Variants in TMEM51 observed in about 807,000 individuals in gnomAD.
TMEM51 encodes the protein transmembrane protein 51, also known as chromosome 1 open reading frame 72.
A neutral mutation model predicts 13.6 loss-of-function variants in TMEM51; 8 were observed. That is an observed-to-expected ratio of 0.59 (90% CI 0.35 to 1.07). TMEM51 has a LOEUF of 1.07. Among genes scored for constraint, TMEM51 ranks in the 50% least tolerant of loss-of-function variants. The probability of loss-of-function intolerance (pLI) is 0.02; values close to 1 mark genes in which losing one functional copy is unlikely to be tolerated. For missense variants in TMEM51, 279 were observed against 330.7 expected, an observed-to-expected ratio of 0.84 and a Z score of 1.21; for synonymous variants, 147 against 144.4, an observed-to-expected ratio of 1.02 and a Z score of -0.13.
chr1:15,168,842 TAA>T, intron 1 of TMEM51: 1 of 1,236,836 alleles, frequency 8.1e-7, no homozygotes, highest in Non-Finnish European at 1.0e-6. Flanking sequence ...CGGCTCATGA[TAA>T]AAGTTACAGA....
chr1:15,196,378 C>T (rs1557849483), intron 1 of TMEM51, among the ~76,000 whole-genome samples: 1 of 103,120 alleles, frequency 9.7e-6, no homozygotes, highest in Non-Finnish European at 1.9e-5. Flanking sequence ...CAAATCTGGG[C>T]TGTGTGTGTG....
rs1644320917 is a variant in TMEM51, at chr1:15,210,479, T to G, written c.-266-11T>G. The G allele has an allele frequency of 6.6e-6, 1 of 152,192 alleles. No individual in the cohort carries two copies. The highest frequency in any genetic ancestry group is 6.5e-5 in the Admixed American group (1 of 15,280). The allele number at this position is 152,192 out of a possible 1,614,324, so 9.4% of individuals were successfully genotyped here. ...TGCTTAGAAAGCTGCATCTCTGTGG[T>G]TTTTTTATAGGTGGATCTTTAACTC... On this transcript the variant is annotated splice_polypyrimidine_tract_variant and intron_variant, in intron 1 of 3. Transcript: ENST00000376008.
In TMEM51 at chr1:15,216,065, T is replaced by C. The variant is rs573253922; in HGVS notation, c.344+634T>C. 1.6e-3 allele frequency among the ~76,000 whole-genome samples: 236 copies of C among 152,164 alleles called. 1 individual carries two copies. The highest frequency in any genetic ancestry group is 3.5e-3 in the Admixed American group (54 of 15,284). ...AAATACAAAAACAAAAAACTGTCTT[T>C]TGCAGCAACTTGGATGGAGCTGGAG... On this transcript the variant is annotated intron_variant, in intron 3 of 3. Transcript: ENST00000376008.
intron 1 of TMEM51, among the ~76,000 whole-genome samples, chr1:15,181,199 G>A (rs1312126377): frequency 1.3e-5 from 2 of 152,186 alleles, no homozygotes; most frequent in Non-Finnish European, 2.9e-5. Context: ...CAGTGAGGAT[G>A]GAATGAGTCA....
At chr1:15,159,776 C>T (rs1195447961) in intron 1 of TMEM51, among the ~76,000 whole-genome samples, 2 of 152,070 alleles carry the variant, frequency 1.3e-5, no homozygotes, top group Non-Finnish European at 2.9e-5. Flanking sequence ...AGGATGGTCT[C>T]GATCTCTTGA....
At chr1:15,208,229 G>A (rs1054994710) in intron 1 of TMEM51, among the ~76,000 whole-genome samples, 1 of 152,210 alleles carries the variant, frequency 6.6e-6, no homozygotes, top group Non-Finnish European at 1.5e-5. Context: ...GGGGACCCAA[G>A]TGTAGCTGTG....
At position 15,171,805 on chromosome 1, in the gene TMEM51, G is replaced by A. The variant is rs369047949; in HGVS notation, c.-267+17851G>A. The stretch of plus-strand genomic sequence containing the variant: ...CAGCTGATCAATCAGTCCTTGCCGC[G>A]GAACCTCCTCCTTGAACCCACAGGT... On this transcript the variant is annotated intron_variant, in intron 1 of 3. Coordinates refer to ENST00000376008, the MANE Select transcript of TMEM51 (RefSeq NM_001136218.2). 1.9e-3 allele frequency among the ~76,000 whole-genome samples: 289 copies of A among 152,216 alleles called. 1 individual carries two copies. Among genetic ancestry groups the A allele is most frequent in the African/African-American group, 6.7e-3 (278 of 41,530 alleles).
chr1:15,192,034 T>C (rs1643932528), intron 1 of TMEM51: 2 of 529,782 alleles, frequency 3.8e-6, no homozygotes, highest in South Asian at 2.8e-5. Context: ...TGAAATGCCA[T>C]ACGTGATGTT....
chr1:15,165,084 A>G (rs1160863815), intron 1 of TMEM51, among the ~76,000 whole-genome samples: 2 of 152,162 alleles, frequency 1.3e-5, no homozygotes, highest in East Asian at 3.8e-4. Flanking sequence ...TACAGGCATG[A>G]GCCACCAAGC....
At chr1:15,215,917 C>G (rs1420956005) in intron 3 of TMEM51, among the ~76,000 whole-genome samples, 1 of 152,080 alleles carries the variant, frequency 6.6e-6, no homozygotes, top group East Asian at 1.9e-4. Flanking sequence ...GTCCCAGCTA[C>G]TGGGGAGGCT....
At chr1:15,197,863 T>G (rs954158642) in intron 1 of TMEM51, among the ~76,000 whole-genome samples, 15 of 148,876 alleles carry the variant, frequency 1.0e-4, no homozygotes. Context: ...CCTTTCCTTG[T>G]GGTATCTGCA....
At chr1:15,202,033 A>G (rs1199691864) in intron 1 of TMEM51, among the ~76,000 whole-genome samples, 1 of 152,218 alleles carries the variant, frequency 6.6e-6, no homozygotes, top group Non-Finnish European at 1.5e-5. Context: ...TTGGAACTGC[A>G]GTTTTGAGCC....
intron 1 of TMEM51, among the ~76,000 whole-genome samples, chr1:15,184,332 T>C (rs1412001729): frequency 6.6e-6 from 1 of 152,206 alleles, no homozygotes; most frequent in Non-Finnish European, 1.5e-5. Flanking sequence ...GCCTTGCCTT[T>C]CTCACCAGCT....
At chr1:15,211,620 C>A (rs1367824895) in intron 2 of TMEM51, among the ~76,000 whole-genome samples, 3 of 152,128 alleles carry the variant, frequency 2.0e-5, no homozygotes, top group Non-Finnish European at 4.4e-5. Context: ...TGCCCGAGGT[C>A]ACACAGCTGT....
chr1:15,170,132 T>A (rs574623558), intron 1 of TMEM51, among the ~76,000 whole-genome samples: 1 of 150,574 alleles, frequency 6.6e-6, no homozygotes, highest in Non-Finnish European at 1.5e-5. Context: ...CTCAATACAT[T>A]TTTAGGTGTT....
rs191975678 is a variant in TMEM51, at chr1:15,207,729, C to T, written c.-266-2761C>T. On this transcript the variant is annotated intron_variant, in intron 1 of 3. Coordinates refer to ENST00000376008, the MANE Select transcript of TMEM51 (RefSeq NM_001136218.2). This position sits in a 1 kb window ranked among gnomAD's most constrained non-coding sequence, Gnocchi z 4.6. ...GGCTTCCATGTTCCCTGCTGACTTCCACCTGCAAAGGCCAGGCAACCGCTG... is the reference window on the plus strand; with the variant it reads ...GGCTTCCATGTTCCCTGCTGACTTCTACCTGCAAAGGCCAGGCAACCGCTG... Among the ~76,000 whole-genome samples, 75 of 152,362 alleles carry T rather than the reference C, an allele frequency of 4.9e-4. No homozygotes were observed. Among genetic ancestry groups the T allele is most frequent in the African/African-American group, 1.6e-3 (65 of 41,586 alleles).
intron 1 of TMEM51, among the ~76,000 whole-genome samples, chr1:15,204,934 C>T (rs1297467707): frequency 6.6e-6 from 1 of 152,054 alleles, no homozygotes; most frequent in African/African-American, 2.4e-5. Flanking sequence ...ACACCGATGG[C>T]CAGAACCTGG....
intron 1 of TMEM51, among the ~76,000 whole-genome samples, chr1:15,194,083 A>G (rs1643996024): frequency 6.6e-6 from 1 of 152,238 alleles, no homozygotes; most frequent in Non-Finnish European, 1.5e-5. Flanking sequence ...CTTGGACTAG[A>G]GAGGGCAGTG....
chr1:15,173,222 T>C (rs1263747178), intron 1 of TMEM51, among the ~76,000 whole-genome samples: 2 of 147,264 alleles, frequency 1.4e-5, no homozygotes, highest in African/African-American at 2.5e-5. Context: ...TTCTTTTTTT[T>C]TTTTTTTTTT....
Sources: allele counts gnomAD v4.1 joint callset (sites outside exome capture counted in the v4.1 genomes callset), GRCh38; gene constraint gnomAD v4.1.1; non-coding constraint Gnocchi (gnomAD v3.1); transcripts MANE v1.5; gene names NCBI Gene and HGNC (gene_info 2026-07-23, HGNC 2026-07-21).